The following NKX3-2 variants were observed in gnomAD, a reference collection of about 807,000 sequenced individuals.
NKX3-2 encodes the protein NK3 homeobox 2, also known as homeobox protein Nkx-3.2.
NKX3-2 carries 13 observed loss-of-function variants against 19.4 expected under a neutral mutation model. The observed-to-expected ratio is 0.67, with a 90% confidence interval of 0.44 to 1.07. NKX3-2 has a LOEUF of 1.07. Ranked by LOEUF, NKX3-2 falls within the 50% of genes least tolerant of loss-of-function variation. The pLI is 0.00. For missense variants in NKX3-2, 562 were observed against 488.2 expected, an observed-to-expected ratio of 1.15 and a Z score of -1.42; for synonymous variants, 269 against 230.5, an observed-to-expected ratio of 1.17 and a Z score of -1.51.
chr4:13,545,049 C>A (rs1283097772), upstream of NKX3-2: 3 of 152,436 alleles, frequency 2.0e-5, no homozygotes, highest in South Asian at 2.1e-4. Context: ...ACCCCCCTCC[C>A]GCCCGGGTGT....
At chr4:13,544,612 G>C (rs1718082428), upstream of NKX3-2, 2 of 322,376 alleles carry the variant, frequency 6.2e-6, no homozygotes, top group Non-Finnish European at 1.1e-5. Flanking sequence ...CACCTTAGAG[G>C]CCCACCCCGC....
rs368562579 is a variant in NKX3-2, at chr4:13,544,279, C to A, written c.136G>T (p.Ala46Ser). ...AGCCGCCAACAGCAGACAGCGGGAGCCGCGGCCACCGATGCCGCTGTGCCC... is the reference window on the plus strand; with the variant it reads ...AGCCGCCAACAGCAGACAGCGGGAGACGCGGCCACCGATGCCGCTGTGCCC... Reference protein sequence around the residue: ...PGGTAASVAAAPAVCCWRLFG... With the variant: ...PGGTAASVAASPAVCCWRLFG... Residue 46 changes from alanine to serine, a missense_variant, in exon 1 of 2, where the codon GCT becomes TCT. Physicochemically the swap from Ala to Ser is moderately conservative, Grantham distance 99 (BLOSUM62 1). Transcript: ENST00000382438. 4.1e-5 allele frequency: 64 copies of A among 1,547,298 alleles called. No homozygotes were observed. In the African/African-American group the frequency reaches 4.3e-4, roughly 10 times the overall value.
chr4:13,542,501 T>G lies in NKX3-2; in HGVS notation c.494A>C (p.Asp165Ala). 1 of 1,596,678 alleles carries G rather than the reference T, an allele frequency of 6.3e-7. No homozygotes were observed. Among genetic ancestry groups the G allele is most frequent in the East Asian group, 2.2e-5 (1 of 44,834 alleles). The part of the protein sequence containing the change: ...SGDRSPRTED[D>A]GVGPRGAHVS... ...GTGTGCACCTCTGGGGCCAACACCG[T>G]CGTCCTCGGTCCTTGGGCTGCGGTC... is the stretch of plus-strand genomic sequence containing the variant. The change falls in exon 2 of 2, where the codon GAC (aspartate) becomes GCC (alanine). Residue 165 changes from aspartate to alanine, a missense_variant. Asp to Ala is a moderately radical substitution (Grantham distance 126). Coordinates refer to ENST00000382438, the MANE Select transcript of NKX3-2 (RefSeq NM_001189.4). This position sits in a 1 kb window ranked among gnomAD's most constrained non-coding sequence, Gnocchi z 6.4.
chr4:13,546,836 C>CA (rs1560166674), upstream of NKX3-2: 1 of 438,994 alleles, frequency 2.3e-6, no homozygotes, highest in African/African-American at 2.0e-5. Context: ...CACAGTTGGA[C>CA]ATACTCCTGC....
At chr4:13,545,379 A>G (rs781666297), upstream of NKX3-2, among the ~76,000 whole-genome samples, 3 of 152,216 alleles carry the variant, frequency 2.0e-5, no homozygotes, top group Non-Finnish European at 4.4e-5. Context: ...AATCCAAGAT[A>G]ATGCAGTTCC....
upstream of NKX3-2, among the ~76,000 whole-genome samples, chr4:13,545,819 T>G (rs972177593): frequency 6.6e-6 from 1 of 152,202 alleles, no homozygotes; most frequent in African/African-American, 2.4e-5. Context: ...TTTGTTTGCT[T>G]AGAAGTATAC....
At chr4:13,547,463 C>G, upstream of NKX3-2, 1 of 288,802 alleles carries the variant, frequency 3.5e-6, no homozygotes, top group South Asian at 2.8e-5. Context: ...CGAGAGGCAC[C>G]GGGCTCGCTC....
chr4:13,547,265 G>A (rs189596735), upstream of NKX3-2: 1 of 456,102 alleles, frequency 2.2e-6, no homozygotes, highest in African/African-American at 2.0e-5. Flanking sequence ...GTCGGAGGAC[G>A]GCAGATCTGG....
Position 13,542,160 on chromosome 4 carries a change from T to C in NKX3-2, c.835A>G (p.Lys279Glu). 6.2e-7 allele frequency: 1 copy of C among 1,611,762 alleles called. No individual in the cohort carries two copies. Among genetic ancestry groups the C allele is most frequent in the Non-Finnish European group, 8.5e-7 (1 of 1,179,102 alleles). ...CGCACCAGCACCTTTACGGCCACCT[T>C]CTTGGCGGCGGGCGCCGAGGCCAGC... Reference protein sequence around the residue: ...DLLASAPAAKKVAVKVLVRDD... With the variant: ...DLLASAPAAKEVAVKVLVRDD... Residue 279 changes from lysine to glutamate, a missense_variant, in exon 2 of 2, where the codon AAG (lysine) becomes GAG (glutamate). Coordinates refer to ENST00000382438, the MANE Select transcript of NKX3-2 (RefSeq NM_001189.4). The surrounding 1 kb of genome is among the most constrained non-coding windows in gnomAD (Gnocchi z 6.4).
rs1293494004 is a variant in NKX3-2, at chr4:13,543,582, C to T, written c.466+367G>A. On this transcript the variant is annotated intron_variant, in intron 1 of 1. Coordinates refer to ENST00000382438, the MANE Select transcript of NKX3-2 (RefSeq NM_001189.4). The surrounding 1 kb of genome is among the most constrained non-coding windows in gnomAD (Gnocchi z 7.1). ...CACTGGCTACCTGAGGTCTCTGAACCCCTCACTTTTCCGCTTCCCTGATTT... is the reference window on the plus strand; with the variant it reads ...CACTGGCTACCTGAGGTCTCTGAACTCCTCACTTTTCCGCTTCCCTGATTT... Among the ~76,000 whole-genome samples, 1 of 152,134 alleles carries T rather than the reference C, an allele frequency of 6.6e-6. No homozygotes were observed. Among genetic ancestry groups the T allele is most frequent in the African/African-American group, 2.4e-5 (1 of 41,432 alleles).
Position 13,542,023 on chromosome 4 carries a change from G to A in NKX3-2, c.972C>T (p.Ser324=). 1 of 1,596,340 alleles carries A rather than the reference G, an allele frequency of 6.3e-7. No homozygotes were observed. The highest frequency in any genetic ancestry group is 1.3e-5 in the African/African-American group (1 of 74,554). ...GGGTGCCTGCGGCAGCTGCGCAGGT[G>A]GAGAGCGCCCAGCCTGGGAGGCAGT... ...PYYCLPGWAL[S]TCAAAAGTQ Residue 324 remains serine, a synonymous_variant, in exon 2 of 2, where the codon TCC becomes TCT. Coordinates refer to ENST00000382438, the MANE Select transcript of NKX3-2 (RefSeq NM_001189.4). This position sits in a 1 kb window ranked among gnomAD's most constrained non-coding sequence, Gnocchi z 6.4.
rs1718041981 is a variant in NKX3-2 at position 13,543,644 on chromosome 4, C to T, written c.466+305G>A. On this transcript the variant is annotated intron_variant, in intron 1 of 1. Transcript: ENST00000382438. The surrounding 1 kb of genome is among the most constrained non-coding windows in gnomAD (Gnocchi z 7.1). Reference sequence around the variant, plus strand: ...GGACAGACACGGCAGAAAGCACTGGCGACGAACTCAAAAACTCCCGAACGC... The same window carrying T: ...GGACAGACACGGCAGAAAGCACTGGTGACGAACTCAAAAACTCCCGAACGC... Among the ~76,000 whole-genome samples the T allele has an allele frequency of 6.6e-6, 1 of 152,172 alleles. No individual in the cohort carries two copies. Among genetic ancestry groups the T allele is most frequent in the Non-Finnish European group, 1.5e-5 (1 of 68,024 alleles).
chr4:13,542,271 A>C lies in NKX3-2; in HGVS notation c.724T>G (p.Ser242Ala). 6.2e-7 allele frequency: 1 copy of C among 1,610,580 alleles called. No homozygotes were observed. The highest frequency in any genetic ancestry group is 1.3e-5 in the African/African-American group (1 of 74,974). The change falls in exon 2 of 2, where the codon TCG becomes GCG. Residue 242 changes from serine to alanine, a missense_variant. Ser to Ala is a moderately conservative substitution (Grantham distance 99). Coordinates refer to ENST00000382438, the MANE Select transcript of NKX3-2 (RefSeq NM_001189.4). The surrounding 1 kb of genome is among the most constrained non-coding windows in gnomAD (Gnocchi z 6.4). ...ACCTGCGTCTCGGTGAGCTTCAGCG[A>C]CGCGGCCAGGTCTGCGCGCTCGGGC... ...SGPERADLAA[S>A]LKLTETQVKI...
chr4:13,542,122 T>G lies in NKX3-2; in HGVS notation c.873A>C (p.Arg291Ser). The G allele has an allele frequency of 6.2e-7, 1 of 1,611,432 alleles. No homozygotes were observed. The highest frequency in any genetic ancestry group is 1.3e-5 in the African/African-American group (1 of 74,998). ...AVKVLVRDDQ[R>S]QYLPGEVLRP... ...GCAGCACTTCGCCGGGCAGGTATTG[T>G]CTCTGGTCGTCGCGCACCAGCACCT... The change falls in exon 2 of 2, where the codon AGA becomes AGC. Residue 291 changes from arginine to serine, a missense_variant. By Grantham distance (110) the Arg-to-Ser change is moderately radical. Transcript: ENST00000382438. The surrounding 1 kb of genome is among the most constrained non-coding windows in gnomAD (Gnocchi z 6.4).
upstream of NKX3-2, chr4:13,547,392 C>G (rs1718157908): frequency 5.6e-6 from 2 of 360,008 alleles, no homozygotes; most frequent in African/African-American, 2.1e-5. Context: ...CACGCTCCGG[C>G]TTGGGCCGGC....
chr4:13,542,185 C>T lies in NKX3-2; in HGVS notation c.810G>A (p.Leu270=). 6.2e-7 allele frequency: 1 copy of T among 1,608,894 alleles called. No individual in the cohort carries two copies. Among genetic ancestry groups the T allele is most frequent in the East Asian group, 2.2e-5 (1 of 44,562 alleles). Residue 270 remains leucine (L), a synonymous_variant, in exon 2 of 2, where the codon CTG becomes CTA. Coordinates refer to ENST00000382438, the MANE Select transcript of NKX3-2 (RefSeq NM_001189.4). The surrounding 1 kb of genome is among the most constrained non-coding windows in gnomAD (Gnocchi z 6.4). ...TCTTGGCGGCGGGCGCCGAGGCCAG[C>T]AGGTCGGCTGCCATCTGCCGGCGCT... The part of the protein sequence containing the change: ...KTKRRQMAAD[L]LASAPAAKKV...
Position 13,542,394 on chromosome 4 carries a change from C to A in NKX3-2, c.601G>T (p.Ala201Ser). 1.3e-6 allele frequency: 2 copies of A among 1,506,404 alleles called. No homozygotes were observed. The highest frequency in any genetic ancestry group is 2.5e-5 in the East Asian group (1 of 39,992). The allele number at this position is 1,506,404 out of a possible 1,614,324, so 93.3% of individuals were successfully genotyped here. A position where few individuals can be genotyped will look rare whatever the true frequency, so the allele number is the denominator to read the frequency against. Reference protein sequence around the residue: ...GVAEEEEEPAAPKPRKKRSRA... With the variant: ...GVAEEEEEPASPKPRKKRSRA... ...GAGCGCTTCTTGCGTGGCTTGGGCG[C>A]CGCCGGCTCCTCCTCCTCCTCCGCG... Residue 201 changes from alanine to serine, a missense_variant, in exon 2 of 2, where the codon GCG (alanine) becomes TCG (serine). Physicochemically the swap from Ala to Ser is moderately conservative, Grantham distance 99 (BLOSUM62 1). Coordinates refer to ENST00000382438, the MANE Select transcript of NKX3-2 (RefSeq NM_001189.4). This position sits in a 1 kb window ranked among gnomAD's most constrained non-coding sequence, Gnocchi z 6.4.
At chr4:13,547,646 A>G (rs1487045314), upstream of NKX3-2, 1 of 158,448 alleles carries the variant, frequency 6.3e-6, no homozygotes, top group East Asian at 1.9e-4. Context: ...CGGGCCCCCT[A>G]CGTGCCGCGC....
chr4:13,542,162 T>A lies in NKX3-2; in HGVS notation c.833A>T (p.Lys278Met). Residue 278 changes from lysine to methionine, a missense_variant, in exon 2 of 2, where the codon AAG becomes ATG. By Grantham distance (95) the Lys-to-Met change is moderately conservative. Transcript: ENST00000382438. This position sits in a 1 kb window ranked among gnomAD's most constrained non-coding sequence, Gnocchi z 6.4. Reference sequence around the variant, plus strand: ...CACCAGCACCTTTACGGCCACCTTCTTGGCGGCGGGCGCCGAGGCCAGCAG... The same window carrying A: ...CACCAGCACCTTTACGGCCACCTTCATGGCGGCGGGCGCCGAGGCCAGCAG... ...ADLLASAPAA[K>M]KVAVKVLVRD... 6.2e-7 allele frequency: 1 copy of A among 1,611,484 alleles called. No individual in the cohort carries two copies. The highest frequency in any genetic ancestry group is 1.1e-5 in the South Asian group (1 of 90,784).
Sources: allele counts gnomAD v4.1 joint callset (sites outside exome capture counted in the v4.1 genomes callset), GRCh38; gene constraint gnomAD v4.1.1; non-coding constraint Gnocchi (gnomAD v3.1); transcripts MANE v1.5; gene names NCBI Gene and HGNC (gene_info 2026-07-23, HGNC 2026-07-21).